RBFOX2: variants seen among roughly 807,000 people sequenced by gnomAD.
The protein encoded by RBFOX2 is RNA binding fox-1 homolog 2, also known as RNA binding protein fox-1 homolog 2.
In RBFOX2, 10 loss-of-function variants were observed where a neutral mutation model predicts 49.1. The ratio of observed to expected loss-of-function variants is 0.20; its 90% CI spans 0.13 to 0.35. RBFOX2 has a LOEUF of 0.35. Ranked by LOEUF, RBFOX2 falls within the 10% of genes least tolerant of loss-of-function variation. The pLI is 1.00. For missense variants in RBFOX2, 323 were observed against 486.9 expected, an observed-to-expected ratio of 0.66 and a Z score of 3.17; for synonymous variants, 183 against 187.4, an observed-to-expected ratio of 0.98 and a Z score of 0.19.
chr22:35,871,254 A>T (rs1252781444), intron 1 of RBFOX2, among the ~76,000 whole-genome samples: 1 of 152,230 alleles, frequency 6.6e-6, no homozygotes, highest in Non-Finnish European at 1.5e-5. Context: ...TTTCCCAAGT[A>T]ATGTGTACTC....
chr22:35,786,314 T>C (rs1470829389), intron 2 of RBFOX2, among the ~76,000 whole-genome samples: 1 of 152,210 alleles, frequency 6.6e-6, no homozygotes, highest in Admixed American at 6.5e-5. Context: ...TGTTTTTAAG[T>C]ATGAAATCTT....
rs139746322 is a variant in RBFOX2 at position 35,892,815 on chromosome 22, G to A, written c.-34+46032C>T. On this transcript the variant is annotated intron_variant, in intron 1 of 13. Coordinates refer to the RBFOX2 transcript ENST00000359369. ...AAGAGGTTCAGTTCAATTATCTTACGCATGTGGAAACTGAGTCTCAGAATA... is the reference window on the plus strand; with the variant it reads ...AAGAGGTTCAGTTCAATTATCTTACACATGTGGAAACTGAGTCTCAGAATA... Among the ~76,000 whole-genome samples, 57 of 152,222 alleles carry A rather than the reference G, an allele frequency of 3.7e-4. No homozygotes were observed. The East Asian group carries it at 8.9e-3, about 24-fold the overall frequency.
chr22:35,756,668 G>A (rs1937053523), intron 9 of RBFOX2, among the ~76,000 whole-genome samples: 1 of 152,036 alleles, frequency 6.6e-6, no homozygotes, highest in African/African-American at 2.4e-5. Flanking sequence ...TTTCAGTATT[G>A]TAATAATATG....
chr22:35,872,973 T>C (rs1039177501), intron 1 of RBFOX2, among the ~76,000 whole-genome samples: 2 of 152,148 alleles, frequency 1.3e-5, no homozygotes, highest in Admixed American at 6.5e-5. Context: ...CGTAGCAGTA[T>C]TAAGCCTGGC....
Position 35,746,335 on chromosome 22 carries a change from C to G in RBFOX2, c.976+138G>C. 9.0e-6 allele frequency: 7 copies of G among 774,220 alleles called. No homozygotes were observed. The South Asian group carries it at 1.2e-4, about 14-fold the overall frequency. 48.0% of individuals were successfully genotyped at this position (774,220 alleles called of 1,614,324 possible). On this transcript the variant is annotated intron_variant, in intron 10 of 11. Coordinates refer to ENST00000405409, the Ensembl canonical transcript of RBFOX2. ...GGCATGACAGAGGCCATCAAGAGGT[C>G]TGCAGAAAGCCCAGGCTGGCAAGAT...
At chr22:35,922,190 T>C (rs1341106499) in intron 1 of RBFOX2, among the ~76,000 whole-genome samples, 1 of 152,232 alleles carries the variant, frequency 6.6e-6, no homozygotes. Flanking sequence ...TAAATCACAA[T>C]TGCATTTCAT....
chr22:35,751,722 T>C (rs1180130560), intron 9 of RBFOX2, among the ~76,000 whole-genome samples: 1 of 152,226 alleles, frequency 6.6e-6, no homozygotes, highest in Non-Finnish European at 1.5e-5. Context: ...CTTTGAAAAG[T>C]ACTTATGAAA....
At chr22:35,767,845 T>C (rs983692738) in intron 5 of RBFOX2, among the ~76,000 whole-genome samples, 9 of 152,188 alleles carry the variant, frequency 5.9e-5, no homozygotes, top group Non-Finnish European at 1.5e-5. Flanking sequence ...TGATTCATTA[T>C]AGAACACAGT....
chr22:35,895,400 G>C (rs2047718839), intron 1 of RBFOX2, among the ~76,000 whole-genome samples: 1 of 152,130 alleles, frequency 6.6e-6, no homozygotes, highest in Non-Finnish European at 1.5e-5. Flanking sequence ...TGCCCCAATT[G>C]TGGAGCCCCT....
chr22:35,756,837 A>G (rs1225511450), intron 9 of RBFOX2, among the ~76,000 whole-genome samples: 1 of 152,100 alleles, frequency 6.6e-6, no homozygotes, highest in Non-Finnish European at 1.5e-5. Context: ...AATTCTGACC[A>G]AAGTAAACAG....
chr22:35,952,377 C>T (rs2055048024), intron 1 of RBFOX2, among the ~76,000 whole-genome samples: 1 of 152,184 alleles, frequency 6.6e-6, no homozygotes, highest in Non-Finnish European at 1.5e-5. Flanking sequence ...CTAGGGTAGT[C>T]TTGGAGACCC....
intron 1 of RBFOX2, among the ~76,000 whole-genome samples, chr22:36,010,732 TACACACACACACAC>T (rs34495987): frequency 1.0e-3 from 138 of 137,070 alleles, no homozygotes; most frequent in African/African-American, 2.5e-3. Context: ...TACTGTTCAG[TACACACACACACAC>T]ACACACACAC....
At chr22:36,026,350 C>A (rs1603469547) in intron 1 of RBFOX2, among the ~76,000 whole-genome samples, 1 of 151,634 alleles carries the variant, frequency 6.6e-6, no homozygotes, top group Admixed American at 6.6e-5. Context: ...CCAATTTGTA[C>A]CCCCAAGGAC....
intron 2 of RBFOX2, among the ~76,000 whole-genome samples, chr22:35,787,316 G>T (rs574066183): frequency 6.6e-6 from 1 of 152,256 alleles, no homozygotes; most frequent in Non-Finnish European, 1.5e-5. Flanking sequence ...AGAATTATAG[G>T]CATGAGCCAC....
chr22:35,944,412 A>T (rs970973963), intron 1 of RBFOX2, among the ~76,000 whole-genome samples: 10 of 152,336 alleles, frequency 6.6e-5, no homozygotes, highest in Middle Eastern at 3.4e-3. Flanking sequence ...TCCCAGAAAG[A>T]ATACTGGCAA....
chr22:35,818,786 C>T (rs1379921534), intron 1 of RBFOX2, among the ~76,000 whole-genome samples: 2 of 152,044 alleles, frequency 1.3e-5, no homozygotes, highest in African/African-American at 4.8e-5. Context: ...GACCATGTCT[C>T]TAAGGAAAAA....
At chr22:35,810,860 CA>C (rs1243473810) in intron 1 of RBFOX2, among the ~76,000 whole-genome samples, 2 of 151,992 alleles carry the variant, frequency 1.3e-5, no homozygotes, top group Non-Finnish European at 2.9e-5. Context: ...CCTTGTGCCC[CA>C]ATAATAAACA....
chr22:35,788,165 T>C (rs953738833), intron 2 of RBFOX2, among the ~76,000 whole-genome samples: 2 of 152,216 alleles, frequency 1.3e-5, no homozygotes, highest in African/African-American at 4.8e-5. Context: ...TTTTTCTGAC[T>C]CTTCTATGAT....
At chr22:35,753,286 A>G (rs916504053) in intron 9 of RBFOX2, among the ~76,000 whole-genome samples, 5 of 152,200 alleles carry the variant, frequency 3.3e-5, no homozygotes, top group African/African-American at 1.2e-4. Flanking sequence ...GGCAAAAATG[A>G]TAGTGTTTTG....
Sources: gnomAD v4.1 joint callset for allele counts (sites outside exome capture counted in the v4.1 genomes callset) on GRCh38, gnomAD v4.1.1 for gene constraint, MANE v1.5 for transcripts, NCBI Gene and HGNC (gene_info 2026-07-23, HGNC 2026-07-21) for gene names.